The following BCKDHB variants were observed in gnomAD, a reference collection of about 807,000 sequenced individuals.
BCKDHB encodes the protein 2-oxoisovalerate dehydrogenase subunit beta, mitochondrial.
In BCKDHB, 41 loss-of-function variants were observed where a neutral mutation model predicts 48.5. That is an observed-to-expected ratio of 0.85 (90% CI 0.66 to 1.10). BCKDHB has a LOEUF of 1.10. Among genes scored for constraint, BCKDHB ranks in the 50% least tolerant of loss-of-function variants. The pLI, the probability that BCKDHB is intolerant of heterozygous loss-of-function variation, is 0.00. For missense variants in BCKDHB, 496 were observed against 494.2 expected (o/e 1.00, Z -0.03); for synonymous variants, 201 against 174.8 (o/e 1.15, Z -1.18).
At chr6:80,155,964 T>C (rs1229656468) in intron 3 of BCKDHB, among the ~76,000 whole-genome samples, 3 of 151,694 alleles carry the variant, frequency 2.0e-5, no homozygotes, top group South Asian at 2.1e-4. Flanking sequence ...CACAGCTCCA[T>C]GGATAGTTTG....
intron 3 of BCKDHB, among the ~76,000 whole-genome samples, chr6:80,151,225 T>G (rs892040288): frequency 6.6e-6 from 1 of 152,178 alleles, no homozygotes; most frequent in Middle Eastern, 3.2e-3. Flanking sequence ...TATTTACTCA[T>G]TGGAGTGTGA....
chr6:80,423,531 G>A, the BCKDHB span, among the ~76,000 whole-genome samples: 1 of 152,082 alleles, frequency 6.6e-6, no homozygotes, highest in African/African-American at 2.4e-5. Context: ...GTAACTTGGT[G>A]GAACCATTTG....
At chr6:80,336,530 G>T (rs1769604224) in intron 9 of BCKDHB, among the ~76,000 whole-genome samples, 1 of 149,788 alleles carries the variant, frequency 6.7e-6, no homozygotes, top group Admixed American at 6.7e-5. Context: ...TTACCAGATT[G>T]CCAGTAATTT....
At chr6:80,270,239 A>G (rs1292206455) in intron 8 of BCKDHB, among the ~76,000 whole-genome samples, 1 of 152,136 alleles carries the variant, frequency 6.6e-6, no homozygotes, top group Non-Finnish European at 1.5e-5. Flanking sequence ...GACTGAAAGT[A>G]TCAGTCTTCT....
chr6:80,352,712 A>C, the BCKDHB span, among the ~76,000 whole-genome samples: 1 of 152,208 alleles, frequency 6.6e-6, no homozygotes, highest in Non-Finnish European at 1.5e-5. Context: ...AATTTTTTAA[A>C]ATATGTGACA....
chr6:80,124,020 G>T (rs1240288720), intron 1 of BCKDHB, among the ~76,000 whole-genome samples: 1 of 152,068 alleles, frequency 6.6e-6, no homozygotes, highest in Non-Finnish European at 1.5e-5. Flanking sequence ...GTTTTCTCTT[G>T]TGGGCATTTA....
intron 8 of BCKDHB, among the ~76,000 whole-genome samples, chr6:80,267,549 CCAT>C (rs1273352179): frequency 6.6e-6 from 1 of 151,948 alleles, no homozygotes; most frequent in African/African-American, 2.4e-5. Flanking sequence ...AGGTGGAAAA[CCAT>C]CAATCACATT....
chr6:80,273,171 G>A lies in BCKDHB; in HGVS notation c.988G>A (p.Glu330Lys), dbSNP rs1224101411. ...IKTGRLLISH[E>K]APLTGGFASE... ...AACAGGGCGACTGCTAATCAGTCACGAGGCTCCCTTGACAGGCGGCTTTGC... is the reference window on the plus strand; with the variant it reads ...AACAGGGCGACTGCTAATCAGTCACAAGGCTCCCTTGACAGGCGGCTTTGC... The change falls in exon 9 of 10, where the codon GAG becomes AAG. Residue 330 changes from glutamate (E) to lysine (K), a missense_variant. By Grantham distance (56) the Glu-to-Lys change is moderately conservative. Coordinates refer to ENST00000320393, the MANE Select transcript of BCKDHB (RefSeq NM_183050.4). The A allele has an allele frequency of 1.9e-6, 3 of 1,613,416 alleles. No homozygotes were observed. Among genetic ancestry groups the A allele is most frequent in the South Asian group, 1.1e-5 (1 of 91,068 alleles).
chr6:80,245,706 T>C (rs1006874781), intron 8 of BCKDHB, among the ~76,000 whole-genome samples: 3 of 152,110 alleles, frequency 2.0e-5, no homozygotes, highest in African/African-American at 7.2e-5. Flanking sequence ...AGCAGCACTT[T>C]TATGTCATGG....
intron 8 of BCKDHB, among the ~76,000 whole-genome samples, chr6:80,252,028 G>A (rs184811745): frequency 2.6e-5 from 4 of 152,182 alleles, no homozygotes; most frequent in Admixed American, 6.5e-5. Flanking sequence ...TAGGCATTAC[G>A]TTGAGAGCTT....
chr6:80,277,428 A>G (rs1778009205), intron 9 of BCKDHB, among the ~76,000 whole-genome samples: 1 of 151,998 alleles, frequency 6.6e-6, no homozygotes, highest in African/African-American at 2.4e-5. Flanking sequence ...TTAAGACCAA[A>G]TAGTTTATGG....
chr6:80,401,809 A>T, the BCKDHB span, among the ~76,000 whole-genome samples: 1 of 151,880 alleles, frequency 6.6e-6, no homozygotes, highest in Non-Finnish European at 1.5e-5. Flanking sequence ...TAGATTTCAC[A>T]TATAAATTAT....
chr6:80,460,843 T>C, the BCKDHB span, among the ~76,000 whole-genome samples: 3 of 152,142 alleles, frequency 2.0e-5, no homozygotes, highest in Non-Finnish European at 4.4e-5. Flanking sequence ...TTTGACATTG[T>C]TGACTGAACT....
At chr6:80,193,193 T>TA (rs1380172184) in intron 6 of BCKDHB, among the ~76,000 whole-genome samples, 1 of 152,134 alleles carries the variant, frequency 6.6e-6, no homozygotes, top group African/African-American at 2.4e-5. Context: ...ATGTGAGACT[T>TA]ACCAGTTAAT....
the BCKDHB span, among the ~76,000 whole-genome samples, chr6:80,434,514 G>A: frequency 7.2e-5 from 11 of 151,818 alleles, no homozygotes; most frequent in African/African-American, 2.4e-4. Context: ...TTGCATGATG[G>A]TAATTTTTCA....
At chr6:80,183,688 A>C (rs933033284) in intron 6 of BCKDHB, among the ~76,000 whole-genome samples, 2 of 152,260 alleles carry the variant, frequency 1.3e-5, no homozygotes, top group Non-Finnish European at 1.5e-5. Flanking sequence ...ATCTACCACT[A>C]TAATATCTTG....
At chr6:80,241,191 G>C (rs533606351) in intron 8 of BCKDHB, among the ~76,000 whole-genome samples, 1 of 152,002 alleles carries the variant, frequency 6.6e-6, no homozygotes, top group East Asian at 1.9e-4. Context: ...CGATGGATTC[G>C]AACATCCTCC....
At chr6:80,140,946 GGTTGATAAGCT>G (rs1278728350) in intron 3 of BCKDHB, among the ~76,000 whole-genome samples, 1 of 152,064 alleles carries the variant, frequency 6.6e-6, no homozygotes, top group East Asian at 1.9e-4. Flanking sequence ...GACTCTTTTT[GGTTGATAAGCT>G]GTTGATTATT....
chr6:80,424,531 A>G, the BCKDHB span, among the ~76,000 whole-genome samples: 1 of 152,138 alleles, frequency 6.6e-6, no homozygotes, highest in Non-Finnish European at 1.5e-5. Context: ...ATCCAATTTT[A>G]TAAATATTCA....
Sources: allele counts gnomAD v4.1 joint callset (sites outside exome capture counted in the v4.1 genomes callset), GRCh38; gene constraint gnomAD v4.1.1; transcripts MANE v1.5; gene names NCBI Gene and HGNC (gene_info 2026-07-23, HGNC 2026-07-21).